The following HNMT variants were observed in gnomAD, a reference collection of about 807,000 sequenced individuals.
HNMT encodes the protein histamine N-methyltransferase.
A neutral mutation model predicts 32.1 loss-of-function variants in HNMT; 30 were observed. The observed-to-expected ratio is 0.93, with a 90% confidence interval of 0.70 to 1.27. The LOEUF is 1.27. Ranked by LOEUF, HNMT falls within the 50% of genes most tolerant of loss-of-function variation. The probability of loss-of-function intolerance (pLI) is 0.00; values close to 1 mark genes in which losing one functional copy is unlikely to be tolerated. For synonymous variants in HNMT, 125 were observed against 119.0 expected, an observed-to-expected ratio of 1.05 and a Z score of -0.33; for missense variants, 327 against 346.0, an observed-to-expected ratio of 0.95 and a Z score of 0.43.
In HNMT at chr2:137,995,440, C is replaced by T. The variant is rs184084090; in HGVS notation, c.191-5478C>T. Among the ~76,000 whole-genome samples the T allele has an allele frequency of 3.3e-5, 5 of 152,236 alleles. No individual in the cohort carries two copies. The East Asian group carries it at 9.7e-4, about 29-fold the overall frequency. ...GAAGAAATGGTTAAATTCCTGGGCA[C>T]ATACACCCTACTAAGACTAGACCAA... On this transcript the variant is annotated intron_variant, in intron 2 of 5. Transcript: ENST00000280097.
rs1680429420 is a variant in HNMT at position 137,979,745 on chromosome 2, G to GA, written c.190+9535dup. On this transcript the variant is annotated intron_variant, in intron 2 of 5. Coordinates refer to ENST00000280097, the MANE Select transcript of HNMT (RefSeq NM_006895.3). ...TAATAATCTCACCTAGATAGACTAA[G>GA]AAAAAAATTGATTTGATCAATGGAG... Among the ~76,000 whole-genome samples, 6 of 151,866 alleles carry GA rather than the reference G, an allele frequency of 4.0e-5. No homozygotes were observed. The South Asian group carries it at 1.0e-3, about 26-fold the overall frequency.
At chr2:137,991,634 A>C (rs1680817580) in intron 2 of HNMT, among the ~76,000 whole-genome samples, 1 of 152,226 alleles carries the variant, frequency 6.6e-6, no homozygotes, top group Admixed American at 6.5e-5. Context: ...TAGATATATA[A>C]AATAATATCA....
chr2:137,994,947 C>G (rs1190703012), intron 2 of HNMT, among the ~76,000 whole-genome samples: 3 of 152,010 alleles, frequency 2.0e-5, no homozygotes, highest in Non-Finnish European at 4.4e-5. Flanking sequence ...AAGCAGAGAT[C>G]AAGAAGTTCT....
At position 138,000,924 on chromosome 2, in the gene HNMT, T is replaced by A. The variant is rs546045761; in HGVS notation, c.197T>A (p.Ile66Asn). 1 of 1,588,606 alleles carries A rather than the reference T, an allele frequency of 6.3e-7. No individual in the cohort carries two copies. Among genetic ancestry groups the A allele is most frequent in the East Asian group, 2.3e-5 (1 of 44,434 alleles). Residue 66 changes from isoleucine (I) to asparagine (N), a missense_variant, in exon 3 of 6, where the codon ATT becomes AAT. Transcript: ENST00000280097. ...CCATATGTTTATCTTCTAGGTGAAA[T>A]TGATCTTCAAATTCTCTCCAAAGTT... is the stretch of plus-strand genomic sequence containing the variant. ...ILSIGGGAGEIDLQILSKVQA... is the reference protein window; with the variant it reads ...ILSIGGGAGENDLQILSKVQA...
chr2:137,999,402 C>G (rs1310665326), intron 2 of HNMT, among the ~76,000 whole-genome samples: 1 of 152,060 alleles, frequency 6.6e-6, no homozygotes, highest in Non-Finnish European at 1.5e-5. Context: ...TTCCCACTCT[C>G]CCTCCTTCCC....
At chr2:138,002,478 C>T (rs539197433) in intron 4 of HNMT, 5 of 533,114 alleles carry the variant, frequency 9.4e-6, no homozygotes, top group South Asian at 1.6e-4. Flanking sequence ...ATGGGAGTCT[C>T]GCTGTGTCAT....
intron 2 of HNMT, among the ~76,000 whole-genome samples, chr2:137,976,982 A>T (rs1680306462): frequency 6.6e-6 from 1 of 152,210 alleles, no homozygotes; most frequent in South Asian, 2.1e-4. Context: ...CTAATTCAAT[A>T]AGGTTAGAAA....
At chr2:138,006,430 G>T (rs114764990) in intron 5 of HNMT, among the ~76,000 whole-genome samples, 1 of 151,904 alleles carries the variant, frequency 6.6e-6, no homozygotes, top group African/African-American at 2.4e-5. Flanking sequence ...TCAATAGTAG[G>T]TCTAATCTCT....
intron 2 of HNMT, among the ~76,000 whole-genome samples, chr2:137,980,493 G>A (rs910483071): frequency 2.6e-5 from 4 of 152,182 alleles, no homozygotes; most frequent in African/African-American, 9.6e-5. Context: ...TCAAGAGAAT[G>A]GTGGCTATCC....
rs773508105 is a variant in HNMT at position 137,970,146 on chromosome 2, C to T, written c.138-19C>T. 2.1e-6 allele frequency: 3 copies of T among 1,454,592 alleles called. No individual in the cohort carries two copies. The South Asian group carries it at 3.6e-5, about 17-fold the overall frequency. The allele number at this position is 1,454,592 out of a possible 1,614,324, so 90.1% of individuals were successfully genotyped here. A position where few individuals can be genotyped will look rare whatever the true frequency, so the allele number is the denominator to read the frequency against. ...CACCTAACACATTTTTCTAAAACTA[C>T]ATAATTTTTTTCTTTCAGGATTGGA... On this transcript the variant is annotated intron_variant, in intron 1 of 5. Coordinates refer to ENST00000280097, the MANE Select transcript of HNMT (RefSeq NM_006895.3).
In HNMT at chr2:138,013,942, A is replaced by G. The variant is rs751532071; in HGVS notation, c.691A>G (p.Ile231Val). 6.2e-6 allele frequency: 10 copies of G among 1,613,816 alleles called. No individual in the cohort carries two copies. Among genetic ancestry groups the G allele is most frequent in the South Asian group, 1.1e-5 (1 of 91,068 alleles). ...LSTMDISDCF[I>V]DGNENGDLLW... Reference sequence around the variant, plus strand: ...CACCATGGATATATCTGACTGCTTTATTGATGGTAATGAAAATGGAGACCT... The same window carrying G: ...CACCATGGATATATCTGACTGCTTTGTTGATGGTAATGAAAATGGAGACCT... The change falls in exon 6 of 6, where the codon ATT becomes GTT. Residue 231 changes from isoleucine (I) to valine (V), a missense_variant. Transcript: ENST00000280097.
intron 2 of HNMT, among the ~76,000 whole-genome samples, chr2:137,987,415 AT>A (rs2104952022): frequency 6.6e-6 from 1 of 152,142 alleles, no homozygotes; most frequent in South Asian, 2.1e-4. Flanking sequence ...TTACCCCTGA[AT>A]TTGTTGAGAA....
chr2:137,984,889 C>G (rs960050725), intron 2 of HNMT, among the ~76,000 whole-genome samples: 3 of 151,984 alleles, frequency 2.0e-5, no homozygotes, highest in African/African-American at 7.3e-5. Flanking sequence ...TTTAAATACC[C>G]TATGAAAAGC....
intron 5 of HNMT, among the ~76,000 whole-genome samples, chr2:138,006,085 T>G (rs1310482145): frequency 6.6e-6 from 1 of 152,008 alleles, no homozygotes; most frequent in Non-Finnish European, 1.5e-5. Flanking sequence ...TGTGAAAGTT[T>G]GGCAATAGAG....
chr2:138,002,774 T>C, intron 4 of HNMT: 1 of 970,736 alleles, frequency 1.0e-6, no homozygotes, highest in Non-Finnish European at 1.2e-6. Flanking sequence ...TCATTGGATG[T>C]TTATATAGAG....
At chr2:137,994,811 A>T (rs1201971768) in intron 2 of HNMT, among the ~76,000 whole-genome samples, 1 of 152,228 alleles carries the variant, frequency 6.6e-6, no homozygotes, top group Non-Finnish European at 1.5e-5. Flanking sequence ...TGAAATCATA[A>T]CAGTCTCTCA....
intron 2 of HNMT, among the ~76,000 whole-genome samples, chr2:138,000,395 AG>A (rs1681128924): frequency 6.6e-6 from 1 of 152,094 alleles, no homozygotes; most frequent in African/African-American, 2.4e-5. Context: ...AGTGTTTATG[AG>A]GGCAGATATC....
chr2:137,992,807 G>A (rs949752163), intron 2 of HNMT, among the ~76,000 whole-genome samples: 7 of 152,066 alleles, frequency 4.6e-5, no homozygotes, highest in African/African-American at 1.7e-4. Flanking sequence ...GCCCCTCAAG[G>A]TCAGAAGTCC....
chr2:137,971,966 T>C lies in HNMT; in HGVS notation c.190+1749T>C, dbSNP rs186404746. ...GTGGACACTATTGTCACTTGTAACT[T>C]AATGCCAAGTGGTAATCCCTTGAAC... is the stretch of plus-strand genomic sequence containing the variant. On this transcript the variant is annotated intron_variant, in intron 2 of 5. Coordinates refer to ENST00000280097, the MANE Select transcript of HNMT (RefSeq NM_006895.3). 4.7e-3 allele frequency among the ~76,000 whole-genome samples: 720 copies of C among 152,338 alleles called. 5 individuals are homozygous for C. Among genetic ancestry groups the C allele is most frequent in the African/African-American group, 0.017 (703 of 41,580 alleles).
Sources: gnomAD v4.1 joint callset for allele counts (sites outside exome capture counted in the v4.1 genomes callset) on GRCh38, gnomAD v4.1.1 for gene constraint, MANE v1.5 for transcripts, NCBI Gene and HGNC (gene_info 2026-07-23, HGNC 2026-07-21) for gene names.